Variants in ATP10B observed in about 807,000 individuals in gnomAD.
ATP10B encodes the protein ATPase phospholipid transporting 10B (putative).
A neutral mutation model predicts 141.2 loss-of-function variants in ATP10B; 122 were observed. That is an observed-to-expected ratio of 0.86 (90% confidence interval 0.75 to 1.00). The LOEUF is 1.00. ATP10B is among the 50% of genes least tolerant of loss of function. The pLI is 0.00. For missense variants in ATP10B, 1,876 were observed against 1,825.3 expected, an observed-to-expected ratio of 1.03 and a Z score of -0.51; for synonymous variants, 685 against 692.0, an observed-to-expected ratio of 0.99 and a Z score of 0.16.
chr5:160,805,788 T>C (rs1338028824), intron 1 of ATP10B, among the ~76,000 whole-genome samples: 1 of 152,140 alleles, frequency 6.6e-6, no homozygotes, highest in Non-Finnish European at 1.5e-5. Context: ...GGAGAGGGTA[T>C]TAGTCAGGGT....
chr5:160,839,696 C>G (rs1775697492), intron 1 of ATP10B, among the ~76,000 whole-genome samples: 1 of 151,916 alleles, frequency 6.6e-6, no homozygotes, highest in Non-Finnish European at 1.5e-5. Context: ...CTCAAATTGA[C>G]CCATCAAATT....
chr5:160,706,572 C>A (rs1397829555), intron 3 of ATP10B, among the ~76,000 whole-genome samples: 1 of 152,170 alleles, frequency 6.6e-6, no homozygotes. Context: ...TTAGGTTTAC[C>A]TCCGTAGCCT....
chr5:160,634,949 G>A (rs1477701934), intron 11 of ATP10B, among the ~76,000 whole-genome samples: 2 of 152,138 alleles, frequency 1.3e-5, no homozygotes, highest in African/African-American at 4.8e-5. Flanking sequence ...TAGGTATTCA[G>A]ACCTATTGTT....
the ATP10B span, among the ~76,000 whole-genome samples, chr5:160,913,896 T>G: frequency 3.3e-5 from 5 of 152,226 alleles, no homozygotes; most frequent in Non-Finnish European, 7.3e-5. Context: ...TAAATAAATG[T>G]GTATCTTGTT....
chr5:160,611,900 A>T (rs1225282882), intron 18 of ATP10B: 8 of 152,256 alleles, frequency 5.3e-5, no homozygotes, highest in Non-Finnish European at 1.2e-4. Flanking sequence ...TGATAGGAGC[A>T]CACAATCTCA....
intron 2 of ATP10B, among the ~76,000 whole-genome samples, chr5:160,778,999 G>T (rs6863980): frequency 2.0e-5 from 3 of 151,976 alleles, no homozygotes; most frequent in African/African-American, 7.3e-5. Context: ...GGAATGGAAT[G>T]AAGTCTGTGC....
intron 7 of ATP10B, among the ~76,000 whole-genome samples, chr5:160,654,940 C>T (rs562265788): frequency 2.0e-5 from 3 of 152,270 alleles, no homozygotes; most frequent in South Asian, 2.1e-4. Flanking sequence ...ACAGCAAAGC[C>T]GGACAACAGG....
intron 21 of ATP10B, among the ~76,000 whole-genome samples, chr5:160,600,075 C>T (rs1757001064): frequency 6.6e-6 from 1 of 152,160 alleles, no homozygotes; most frequent in Non-Finnish European, 1.5e-5. Flanking sequence ...AGATATACAT[C>T]AGTATATCAG....
chr5:160,744,028 T>C (rs2127810872), intron 2 of ATP10B, among the ~76,000 whole-genome samples: 1 of 152,204 alleles, frequency 6.6e-6, no homozygotes, highest in East Asian at 1.9e-4. Flanking sequence ...AGAAGCTTGG[T>C]ATTTAAGTTC....
chr5:160,887,393 T>C, the ATP10B span, among the ~76,000 whole-genome samples: 1 of 152,190 alleles, frequency 6.6e-6, no homozygotes, highest in East Asian at 1.9e-4. Context: ...AACACAAATT[T>C]TGTTTTCTGA....
intron 2 of ATP10B, among the ~76,000 whole-genome samples, chr5:160,731,697 C>T (rs577479228): frequency 1.3e-5 from 2 of 152,106 alleles, no homozygotes; most frequent in East Asian, 1.9e-4. Context: ...AGTCTGGGGA[C>T]GATACTCACT....
At chr5:160,725,365 C>G (rs542313629) in intron 2 of ATP10B, among the ~76,000 whole-genome samples, 1 of 152,250 alleles carries the variant, frequency 6.6e-6, no homozygotes, top group South Asian at 2.1e-4. Flanking sequence ...CTTCTTCACT[C>G]TAGTTCTTGC....
At chr5:160,725,541 G>C (rs1766282014) in intron 2 of ATP10B, among the ~76,000 whole-genome samples, 1 of 152,056 alleles carries the variant, frequency 6.6e-6, no homozygotes, top group African/African-American at 2.4e-5. Context: ...CGCCTCCCGG[G>C]TTCATGCCAT....
chr5:160,593,830 G>C (rs1228309139), intron 22 of ATP10B, among the ~76,000 whole-genome samples: 1 of 152,126 alleles, frequency 6.6e-6, no homozygotes, highest in Non-Finnish European at 1.5e-5. Context: ...GGGAAGTTTA[G>C]AGAAAAAAGA....
intron 3 of ATP10B, chr5:160,692,795 T>C (rs922725357): frequency 2.6e-5 from 4 of 152,218 alleles, no homozygotes; most frequent in African/African-American, 7.2e-5. Context: ...AAAACTCTTA[T>C]AAACTTTAGC....
chr5:160,767,636 C>CGCG (rs1769561806), intron 2 of ATP10B, among the ~76,000 whole-genome samples: 2 of 60,752 alleles, frequency 3.3e-5, no homozygotes, highest in Admixed American at 1.9e-4. Flanking sequence ...GTGTGCAGAA[C>CGCG]CCCCCCCCCC....
At chr5:160,742,210 C>G (rs996150928) in intron 2 of ATP10B, among the ~76,000 whole-genome samples, 1 of 152,220 alleles carries the variant, frequency 6.6e-6, no homozygotes, top group African/African-American at 2.4e-5. Context: ...TGTGAGGTGA[C>G]AAATGACAAT....
intron 8 of ATP10B, among the ~76,000 whole-genome samples, chr5:160,648,563 G>A (rs1160518945): frequency 6.6e-6 from 1 of 152,116 alleles, no homozygotes; most frequent in Non-Finnish European, 1.5e-5. Context: ...CAAAGTTGAG[G>A]AATAAGAATA....
chr5:160,844,547 TTTG>T (rs1461181081), intron 1 of ATP10B, among the ~76,000 whole-genome samples: 1 of 151,608 alleles, frequency 6.6e-6, no homozygotes, highest in Non-Finnish European at 1.5e-5. Flanking sequence ...TAATAAATAC[TTTG>T]TTTTTTTTTT....
Sources: allele counts gnomAD v4.1 joint callset (sites outside exome capture counted in the v4.1 genomes callset), GRCh38; gene constraint gnomAD v4.1.1; transcripts MANE v1.5; gene names NCBI Gene and HGNC (gene_info 2026-07-23, HGNC 2026-07-21).